ZNF385B: variants seen among roughly 807,000 people sequenced by gnomAD.
ZNF385B encodes the protein zinc finger protein 385B, also known as zinc finger protein 533.
A neutral mutation model predicts 39.2 loss-of-function variants in ZNF385B; 23 were observed. The observed-to-expected ratio is 0.59, with a 90% confidence interval of 0.42 to 0.83. The LOEUF (loss-of-function observed/expected upper bound fraction) is 0.83. Among genes scored for constraint, ZNF385B ranks in the 40% least tolerant of loss-of-function variants. The pLI is 0.00. For missense variants in ZNF385B, 552 were observed against 598.9 expected (o/e 0.92, Z 0.82); for synonymous variants, 205 against 222.6 (o/e 0.92, Z 0.70).
At chr2:179,742,837 T>C (rs1045159212) in intron 3 of ZNF385B, among the ~76,000 whole-genome samples, 5 of 152,074 alleles carry the variant, frequency 3.3e-5, no homozygotes, top group Admixed American at 1.3e-4. Context: ...TTTTTGTAAC[T>C]AGTCATTTTT....
rs544562259 is a variant in ZNF385B at position 179,849,826 on chromosome 2, A to G, written c.-155+11275T>C. ...GAAAAATCAACACAAACATATCATT[A>G]CAACCTAATATTGCAAGCACCATAA... On this transcript the variant is annotated intron_variant, in intron 1 of 9. Coordinates refer to ENST00000410066, the MANE Select transcript of ZNF385B (RefSeq NM_152520.6). Among the ~76,000 whole-genome samples the G allele has an allele frequency of 8.5e-5, 13 of 152,338 alleles. No homozygotes were observed. The East Asian group carries it at 2.5e-3, about 29-fold the overall frequency.
At chr2:179,752,506 C>A (rs1248163566) in intron 3 of ZNF385B, among the ~76,000 whole-genome samples, 5 of 152,204 alleles carry the variant, frequency 3.3e-5, no homozygotes, top group Admixed American at 2.0e-4. Flanking sequence ...TGAGGAATTG[C>A]CACACTATCT....
At chr2:179,561,093 T>C (rs1173377779) in intron 3 of ZNF385B, among the ~76,000 whole-genome samples, 1 of 152,226 alleles carries the variant, frequency 6.6e-6, no homozygotes, top group African/African-American at 2.4e-5. Flanking sequence ...ACCATTTCAT[T>C]GGACAGCACA....
intron 6 of ZNF385B, among the ~76,000 whole-genome samples, chr2:179,461,528 T>C (rs566405954): frequency 6.6e-6 from 1 of 152,240 alleles, no homozygotes; most frequent in Admixed American, 6.5e-5. Flanking sequence ...TGAAAAATAG[T>C]GGGTGATGTC....
At chr2:179,546,224 T>A (rs1194165850) in intron 3 of ZNF385B, among the ~76,000 whole-genome samples, 1 of 151,852 alleles carries the variant, frequency 6.6e-6, no homozygotes, top group Non-Finnish European at 1.5e-5. Flanking sequence ...TTTGTAGAGA[T>A]GGGGTTTTTG....
chr2:179,833,706 A>G (rs1311720638), intron 1 of ZNF385B, among the ~76,000 whole-genome samples: 1 of 152,168 alleles, frequency 6.6e-6, no homozygotes, highest in Admixed American at 6.5e-5. Context: ...TTAATGTTTT[A>G]CATATTAAAA....
chr2:179,691,657 T>C (rs184516066), intron 3 of ZNF385B, among the ~76,000 whole-genome samples: 2 of 152,260 alleles, frequency 1.3e-5, no homozygotes, highest in Admixed American at 6.5e-5. Flanking sequence ...GAGTCTAGTA[T>C]TGCCAGGTAA....
intron 3 of ZNF385B, among the ~76,000 whole-genome samples, chr2:179,760,873 T>G (rs1031036173): frequency 2.6e-5 from 4 of 152,230 alleles, no homozygotes; most frequent in African/African-American, 9.6e-5. Context: ...TTTTATGTTT[T>G]TTACATTTAA....
chr2:179,590,337 C>T (rs570312123), intron 3 of ZNF385B, among the ~76,000 whole-genome samples: 20 of 152,280 alleles, frequency 1.3e-4, no homozygotes, highest in African/African-American at 3.8e-4. Context: ...TGGGATTAAA[C>T]GAGACAATGT....
At chr2:179,811,316 C>T (rs74482893) in intron 1 of ZNF385B, among the ~76,000 whole-genome samples, 1 of 152,054 alleles carries the variant, frequency 6.6e-6, no homozygotes, top group Non-Finnish European at 1.5e-5. Flanking sequence ...TTATTAAATT[C>T]ATATAGAACC....
At chr2:179,746,021 G>A (rs1702361610) in intron 3 of ZNF385B, 1 of 1,115,654 alleles carries the variant, frequency 9.0e-7, no homozygotes, top group Non-Finnish European at 1.1e-6. Context: ...ATATCTCCAT[G>A]TGTGCTGAAA....
chr2:179,641,301 A>T (rs1372687173), intron 3 of ZNF385B, among the ~76,000 whole-genome samples: 1 of 152,104 alleles, frequency 6.6e-6, no homozygotes, highest in Non-Finnish European at 1.5e-5. Context: ...TGCCACTTCA[A>T]TGTCACCCAC....
intron 3 of ZNF385B, among the ~76,000 whole-genome samples, chr2:179,620,613 A>G (rs1690128502): frequency 1.3e-5 from 2 of 152,106 alleles, no homozygotes. Context: ...AAGTTTTCCT[A>G]ACTCCTATGA....
rs562011553 is a variant in ZNF385B, at chr2:179,697,233, G to A, written c.298+72270C>T. ...GTCCATCTGACTATGACTGTTTTGT[G>A]TTCCCACCCAAACCTCCTCTTGAAT... is the stretch of plus-strand genomic sequence containing the variant. On this transcript the variant is annotated intron_variant, in intron 3 of 9. Transcript: ENST00000410066. Among the ~76,000 whole-genome samples the A allele has an allele frequency of 2.0e-5, 3 of 152,260 alleles. No individual in the cohort carries two copies. In the East Asian group the frequency reaches 5.8e-4, roughly 29 times the overall value.
At chr2:179,517,667 A>T (rs10206049) in intron 5 of ZNF385B, among the ~76,000 whole-genome samples, 7,007 of 152,236 alleles carry the variant, frequency 0.046, 536 homozygotes, top group African/African-American at 0.16. Context: ...GGGGTCAAGT[A>T]ACTCAGGAAA....
intron 3 of ZNF385B, among the ~76,000 whole-genome samples, chr2:179,648,724 C>G (rs1692960025): frequency 6.6e-6 from 1 of 152,098 alleles, no homozygotes; most frequent in Non-Finnish European, 1.5e-5. Flanking sequence ...TGACAAGGCT[C>G]CTGAGTCAAA....
chr2:179,589,191 A>G (rs1687350906), intron 3 of ZNF385B, among the ~76,000 whole-genome samples: 3 of 152,182 alleles, frequency 2.0e-5, no homozygotes, highest in East Asian at 1.9e-4. Flanking sequence ...GTTACTTGTC[A>G]GTTTGCCTCT....
intron 3 of ZNF385B, among the ~76,000 whole-genome samples, chr2:179,658,131 C>T (rs1046559311): frequency 6.6e-6 from 1 of 152,218 alleles, no homozygotes; most frequent in Non-Finnish European, 1.5e-5. Flanking sequence ...AAATATGTAT[C>T]TTCAAGGTGG....
chr2:179,599,708 G>A lies in ZNF385B; in HGVS notation c.299-54739C>T, dbSNP rs148865623. 2.6e-3 allele frequency among the ~76,000 whole-genome samples: 391 copies of A among 152,270 alleles called. 1 individual carries two copies. The highest frequency in any genetic ancestry group is 8.9e-3 in the African/African-American group (368 of 41,558). On this transcript the variant is annotated intron_variant, in intron 3 of 9. Coordinates refer to ENST00000410066, the MANE Select transcript of ZNF385B (RefSeq NM_152520.6). ...CCTTAAAACACCAACAAGGATACCA[G>A]TACTAACTAGATCAAACAAGTGATT...
Sources: allele counts gnomAD v4.1 joint callset (sites outside exome capture counted in the v4.1 genomes callset), GRCh38; gene constraint gnomAD v4.1.1; transcripts MANE v1.5; gene names NCBI Gene and HGNC (gene_info 2026-07-23, HGNC 2026-07-21).